Variants in UTP25 observed in about 807,000 individuals in gnomAD.
UTP25 encodes the protein UTP25 small subunit processome component, also known as U3 small nucleolar RNA-associated protein 25 homolog.
UTP25 carries 50 observed loss-of-function variants against 78.9 expected under a neutral mutation model. That is an observed-to-expected ratio of 0.63 (90% CI 0.50 to 0.80). UTP25 has a LOEUF of 0.80. Among genes scored for constraint, UTP25 ranks in the 30% least tolerant of loss-of-function variants. The pLI, the probability that UTP25 is intolerant of heterozygous loss-of-function variation, is 0.00. For synonymous variants in UTP25, 329 were observed against 336.5 expected, an observed-to-expected ratio of 0.98 and a Z score of 0.24; for missense variants, 846 against 911.3, an observed-to-expected ratio of 0.93 and a Z score of 0.92.
Position 209,837,931 on chromosome 1 carries a change from A to T in UTP25, c.1062+720A>T, listed in dbSNP as rs951331315. Among the ~76,000 whole-genome samples the T allele has an allele frequency of 6.6e-5, 10 of 152,298 alleles. No individual in the cohort carries two copies. In the East Asian group the frequency reaches 9.6e-4, roughly 15 times the overall value. ...GAATTTTCTCATTGAGTTTAATAGG[A>T]TTCTAGAAATTTGATACTAATGTGG... On this transcript the variant is annotated intron_variant, in intron 6 of 11. Transcript: ENST00000491415.
chr1:209,838,863 G>T, intron 6 of UTP25, 46 bp from the exon 7 acceptor site: 1 of 1,598,562 alleles, frequency 6.3e-7, no homozygotes, highest in Non-Finnish European at 8.6e-7. Context: ...TCAAGATCCT[G>T]TTCCTTCCTC....
rs1383138530 is a variant in UTP25 at position 209,853,228 on chromosome 1, T to C, written c.*1781T>C. ...TGCTACAAAGAACTTTTTGTATCTA[T>C]AGGCATGCCCTGTGGTTACTGGCGT... On this transcript the variant is annotated 3_prime_UTR_variant, in exon 12 of 12. Transcript: ENST00000491415. The C allele has an allele frequency of 6.6e-6, 1 of 152,224 alleles. No individual in the cohort carries two copies. The highest frequency in any genetic ancestry group is 1.5e-5 in the Non-Finnish European group (1 of 68,042). 9.4% of individuals were successfully genotyped at this position (152,224 alleles called of 1,614,324 possible).
intron 11 of UTP25, among the ~76,000 whole-genome samples, chr1:209,848,879 G>A (rs1456470821): frequency 6.6e-6 from 1 of 152,164 alleles, no homozygotes; most frequent in African/African-American, 2.4e-5. Context: ...GTAGGCCACT[G>A]GTGTGGGTGC....
chr1:209,842,711 C>T lies in UTP25; in HGVS notation c.1781+16C>T, dbSNP rs1441218494. On this transcript the variant is annotated intron_variant, in intron 10 of 11. Transcript: ENST00000491415. ...TTGATGCCAGGTAACCCACTCCTCC[C>T]AGCAGGCCCCTGGGGACCACATAGA... The T allele has an allele frequency of 6.3e-7, 1 of 1,583,060 alleles. No individual in the cohort carries two copies. The highest frequency in any genetic ancestry group is 1.7e-5 in the Admixed American group (1 of 57,622).
rs112436388 is a variant in UTP25, at chr1:209,851,334, C to T, written c.2158C>T (p.Leu720Phe). 6.2e-7 allele frequency: 1 copy of T among 1,614,204 alleles called. No individual in the cohort carries two copies. The highest frequency in any genetic ancestry group is 1.3e-5 in the African/African-American group (1 of 75,054). Residue 720 changes from leucine to phenylalanine, a missense_variant, in exon 12 of 12, where the codon CTC becomes TTC. By Grantham distance (22) the Leu-to-Phe change is conservative. Coordinates refer to ENST00000491415, the MANE Select transcript of UTP25 (RefSeq NM_014388.7). ...AGAGGCCACGTGGACCTGCACTGTT[C>T]TCTACTCCAAATATGATGCCCAGAG... ...GEEATWTCTV[L>F]YSKYDAQRLA... is the part of the protein sequence containing the mutation.
Position 209,852,343 on chromosome 1 carries a change from A to G in UTP25, c.*896A>G, listed in dbSNP as rs1337858793. ...ATACTTTAGTATATATTTCCTGTAA[A>G]CAATTAAGGGTATTGTTTGTGATTA... On this transcript the variant is annotated 3_prime_UTR_variant, in exon 12 of 12. Transcript: ENST00000491415. The G allele has an allele frequency of 6.6e-6, 1 of 152,166 alleles. No individual in the cohort carries two copies. The highest frequency in any genetic ancestry group is 1.9e-4 in the East Asian group (1 of 5,200). The allele number at this position is 152,166 out of a possible 1,614,324, so 9.4% of individuals were successfully genotyped here. A position where few individuals can be genotyped will look rare whatever the true frequency, so the allele number is the denominator to read the frequency against.
Position 209,851,571 on chromosome 1 carries a change from C to T in UTP25, c.*124C>T. ...ACAAAGAAAGTGCATGAGGCAATGT[C>T]AGTATTATCTGACATCTTTCTTTTC... On this transcript the variant is annotated 3_prime_UTR_variant, in exon 12 of 12. Coordinates refer to ENST00000491415, the MANE Select transcript of UTP25 (RefSeq NM_014388.7). 2.4e-6 allele frequency: 3 copies of T among 1,252,302 alleles called. No individual in the cohort carries two copies. The highest frequency in any genetic ancestry group is 1.1e-6 in the Non-Finnish European group (1 of 923,490). The allele number at this position is 1,252,302 out of a possible 1,614,324, so 77.6% of individuals were successfully genotyped here. A position where few individuals can be genotyped will look rare whatever the true frequency, so the allele number is the denominator to read the frequency against.
intron 6 of UTP25, among the ~76,000 whole-genome samples, chr1:209,838,412 A>G (rs1314754327): frequency 6.6e-6 from 1 of 151,564 alleles, no homozygotes; most frequent in Non-Finnish European, 1.5e-5. Context: ...CACTGTATAG[A>G]GAATGCACTA....
intron 11 of UTP25, among the ~76,000 whole-genome samples, chr1:209,850,113 A>G (rs2078222662): frequency 6.6e-6 from 1 of 152,248 alleles, no homozygotes; most frequent in Non-Finnish European, 1.5e-5. Context: ...TTTGGGCTCA[A>G]GAAAAGGAAC....
chr1:209,853,032 AT>A lies in UTP25; in HGVS notation c.*1587del, dbSNP rs2102585827. On this transcript the variant is annotated 3_prime_UTR_variant, in exon 12 of 12. Transcript: ENST00000491415. Reference sequence around the variant, plus strand: ...TTTTTTATCCTTGGGCACGCTTAAAATTACTTAGCAAAAACAAAAAGTAAAA... The same window carrying A: ...TTTTTTATCCTTGGGCACGCTTAAAATACTTAGCAAAAACAAAAAGTAAAA... 6.6e-6 allele frequency: 1 copy of A among 152,344 alleles called. No homozygotes were observed. The highest frequency in any genetic ancestry group is 1.5e-5 in the Non-Finnish European group (1 of 68,026). 9.4% of individuals were successfully genotyped at this position (152,344 alleles called of 1,614,324 possible). A position where few individuals can be genotyped will look rare whatever the true frequency, so the allele number is the denominator to read the frequency against.
intron 11 of UTP25, 117 bp downstream of exon 11, chr1:209,843,813 C>T (rs1558055699): frequency 7.3e-7 from 1 of 1,375,008 alleles, no homozygotes; most frequent in Non-Finnish European, 9.8e-7. Flanking sequence ...CACTCTCGCA[C>T]TCTTACAAAG....
rs550583148 is a variant in UTP25 at position 209,839,066 on chromosome 1, T to C, written c.1220T>C (p.Leu407Ser). Residue 407 changes from leucine (L) to serine (S), a missense_variant, in exon 7 of 12, where the codon TTG becomes TCG. Coordinates refer to ENST00000491415, the MANE Select transcript of UTP25 (RefSeq NM_014388.7). Reference protein sequence around the residue: ...GSDPEERPPNLKRPEDYEAVF... With the variant: ...GSDPEERPPNSKRPEDYEAVF... ...GATCCCGAGGAGAGACCACCCAACT[T>C]GAAGAGGCCTGAGGATTATGAAGCC... 1.9e-6 allele frequency: 3 copies of C among 1,614,098 alleles called. No individual in the cohort carries two copies. In the African/African-American group the frequency reaches 4.0e-5, roughly 22 times the overall value.
At chr1:209,840,407 A>G (rs894270725) in intron 7 of UTP25, among the ~76,000 whole-genome samples, 6 of 152,230 alleles carry the variant, frequency 3.9e-5, no homozygotes, top group African/African-American at 1.4e-4. Flanking sequence ...ATTAGCAAGG[A>G]AAAGAGCATT....
At chr1:209,848,951 A>G (rs1171765051) in intron 11 of UTP25, among the ~76,000 whole-genome samples, 1 of 152,048 alleles carries the variant, frequency 6.6e-6, no homozygotes, top group East Asian at 1.9e-4. Flanking sequence ...CAGACCTCAA[A>G]TTCCTCCAGC....
chr1:209,835,435 G>T (rs2078127781), intron 5 of UTP25, among the ~76,000 whole-genome samples: 1 of 152,188 alleles, frequency 6.6e-6, no homozygotes, highest in Admixed American at 6.5e-5. Context: ...ATCACATTTT[G>T]ACCCAAGGCA....
intron 11 of UTP25, among the ~76,000 whole-genome samples, chr1:209,847,627 G>A (rs769232240): frequency 2.0e-5 from 3 of 152,176 alleles, no homozygotes; most frequent in African/African-American, 2.4e-5. Context: ...TTTCCCCTCC[G>A]GCCAAAAAGG....
intron 5 of UTP25, among the ~76,000 whole-genome samples, chr1:209,836,258 A>C (rs1335166128): frequency 2.0e-5 from 3 of 152,208 alleles, no homozygotes; most frequent in Non-Finnish European, 2.9e-5. Flanking sequence ...TTTTTAGATC[A>C]GCAATTTAGC....
In UTP25 at chr1:209,852,811, G is replaced by A. The variant is rs1165933297; in HGVS notation, c.*1364G>A. ...ATGCACACACATATGTACACACGTT[G>A]TCTAAATTTGCTTCACATTAATATC... On this transcript the variant is annotated 3_prime_UTR_variant, in exon 12 of 12. Coordinates refer to ENST00000491415, the MANE Select transcript of UTP25 (RefSeq NM_014388.7). 1.3e-5 allele frequency: 2 copies of A among 152,142 alleles called. No homozygotes were observed. The allele number at this position is 152,142 out of a possible 1,614,324, so 9.4% of individuals were successfully genotyped here.
In UTP25 at chr1:209,837,222, C is replaced by G; in HGVS notation, c.1062+11C>G. 6.2e-7 allele frequency: 1 copy of G among 1,608,028 alleles called. No individual in the cohort carries two copies. The stretch of plus-strand genomic sequence containing the variant: ...TTAACAAGGCCCAAGGTGAGTCCAG[C>G]AGGAAAGCTTTGCTCTCGAGGAGGT... On this transcript the variant is annotated intron_variant, in intron 6 of 11. Coordinates refer to ENST00000491415, the MANE Select transcript of UTP25 (RefSeq NM_014388.7).
Sources: allele counts gnomAD v4.1 joint callset (sites outside exome capture counted in the v4.1 genomes callset), GRCh38; gene constraint gnomAD v4.1.1; transcripts MANE v1.5; gene names NCBI Gene and HGNC (gene_info 2026-07-23, HGNC 2026-07-21).